SAXO1: variants seen among roughly 807,000 people sequenced by gnomAD.
SAXO1 encodes stabilizer of axonemal microtubules 1.
SAXO1 carries 21 observed loss-of-function variants against 17.5 expected under a neutral mutation model. That is an observed-to-expected ratio of 1.20 (90% CI 0.85 to 1.72). The LOEUF (loss-of-function observed/expected upper bound fraction) is 1.72, where lower values mean the gene tolerates loss of function less well. Among genes scored for constraint, SAXO1 ranks in the 40% most tolerant of loss-of-function variants. SAXO1 has a pLI of 0.00. For missense variants in SAXO1, 843 were observed against 596.0 expected (o/e 1.41, Z -4.32); for synonymous variants, 274 against 216.5 (o/e 1.27, Z -2.33).
intron 1 of SAXO1, among the ~76,000 whole-genome samples, chr9:19,018,513 A>G (rs138060064): frequency 4.9e-4 from 75 of 152,354 alleles, no homozygotes; most frequent in African/African-American, 1.6e-3. Flanking sequence ...GTGTTTCAAA[A>G]GTCAATACAC....
intron 1 of SAXO1, among the ~76,000 whole-genome samples, chr9:19,025,101 A>C (rs893503275): frequency 4.6e-5 from 7 of 152,266 alleles, no homozygotes; most frequent in African/African-American, 1.7e-4. Context: ...TGATATCCAA[A>C]AAAGGCCATT....
At chr9:18,946,584 C>T (rs141321822) in intron 2 of SAXO1, among the ~76,000 whole-genome samples, 1 of 151,772 alleles carries the variant, frequency 6.6e-6, no homozygotes, top group Non-Finnish European at 1.5e-5. Flanking sequence ...CTAAGGTGTC[C>T]ACAATGTAGC....
rs762017410 is a variant in SAXO1 at position 18,929,645 on chromosome 9, T to C, written c.422-590A>G. The stretch of plus-strand genomic sequence containing the variant: ...GTGAGAGAACAGTGGCTGCCACTTA[T>C]ATAAAACTTATTACATAACAGGCAG... On this transcript the variant is annotated intron_variant, in intron 3 of 3. Transcript: ENST00000380534. Among the ~76,000 whole-genome samples the C allele has an allele frequency of 2.6e-5, 4 of 152,376 alleles. No individual in the cohort carries two copies. In the East Asian group the frequency reaches 5.8e-4, roughly 22 times the overall value.
chr9:19,019,438 T>A (rs1835132684), intron 1 of SAXO1, among the ~76,000 whole-genome samples: 2 of 151,944 alleles, frequency 1.3e-5, no homozygotes, highest in Non-Finnish European at 2.9e-5. Context: ...TCAGAAAAAG[T>A]ATACTTCGGC....
At chr9:19,048,743 G>T (rs183657646) in intron 1 of SAXO1, among the ~76,000 whole-genome samples, 87 of 152,324 alleles carry the variant, frequency 5.7e-4, no homozygotes, top group African/African-American at 2.0e-3. Context: ...TGAAAATAGG[G>T]TTATTAATTC....
rs1008913763 is a variant in SAXO1, at chr9:19,033,201, C to T, written c.-293G>A. The T allele has an allele frequency of 2.3e-5, 8 of 348,526 alleles. No individual in the cohort carries two copies. Among genetic ancestry groups the T allele is most frequent in the African/African-American group, 1.1e-4 (5 of 47,350 alleles). 21.6% of individuals were successfully genotyped at this position (348,526 alleles called of 1,614,324 possible). The stretch of plus-strand genomic sequence containing the variant: ...GCAGTCCAGACTTAAGCACCTGGAG[C>T]GGCTGACTGGGCCCCAGGAAGCTGC... On this transcript the variant is annotated 5_prime_UTR_variant, in exon 1 of 4. Transcript: ENST00000380534.
At chr9:19,013,500 G>A (rs1294121979) in intron 1 of SAXO1, among the ~76,000 whole-genome samples, 4 of 147,388 alleles carry the variant, frequency 2.7e-5, no homozygotes, top group Non-Finnish European at 5.9e-5. Context: ...TCACAATACT[G>A]TCACGTCTTT....
intron 1 of SAXO1, among the ~76,000 whole-genome samples, chr9:18,973,989 G>A (rs951525541): frequency 1.3e-5 from 2 of 152,148 alleles, no homozygotes; most frequent in African/African-American, 4.8e-5. Flanking sequence ...GATCTATCAT[G>A]TCCCATCTTC....
intron 2 of SAXO1, among the ~76,000 whole-genome samples, chr9:18,943,748 A>T (rs1831676270): frequency 6.6e-6 from 1 of 152,214 alleles, no homozygotes; most frequent in Admixed American, 6.5e-5. Context: ...TCCAAGGAGT[A>T]TCAGGAGGTA....
intron 3 of SAXO1, among the ~76,000 whole-genome samples, chr9:18,936,171 T>C (rs944157752): frequency 6.6e-6 from 1 of 152,128 alleles, no homozygotes; most frequent in Non-Finnish European, 1.5e-5. Flanking sequence ...CACCCCCTCA[T>C]CCACCAGCAC....
chr9:19,035,340 T>G (rs996854393), upstream of SAXO1, among the ~76,000 whole-genome samples: 5 of 152,198 alleles, frequency 3.3e-5, no homozygotes, highest in Non-Finnish European at 5.9e-5. Flanking sequence ...TTTTCTCTCT[T>G]GCCACCCGCC....
intron 1 of SAXO1, among the ~76,000 whole-genome samples, chr9:18,977,304 T>C (rs1271624342): frequency 6.6e-6 from 1 of 152,236 alleles, no homozygotes; most frequent in East Asian, 1.9e-4. Context: ...GTCTCCCTTA[T>C]AGCAGGCTCA....
chr9:19,010,665 A>G (rs1834693255), intron 1 of SAXO1, among the ~76,000 whole-genome samples: 1 of 152,206 alleles, frequency 6.6e-6, no homozygotes, highest in African/African-American at 2.4e-5. Context: ...ACTCTCCAGA[A>G]TAGAAGCAAC....
At chr9:18,993,309 C>A (rs1272488884) in intron 1 of SAXO1, among the ~76,000 whole-genome samples, 1 of 141,636 alleles carries the variant, frequency 7.1e-6, no homozygotes, top group Non-Finnish European at 1.5e-5. Flanking sequence ...TGTGTTGTTA[C>A]CCTCCCTGTG....
At chr9:18,973,192 T>G (rs1216895296) in intron 1 of SAXO1, among the ~76,000 whole-genome samples, 1 of 152,218 alleles carries the variant, frequency 6.6e-6, no homozygotes. Context: ...ATTGTCAGTG[T>G]TGTACAGGTA....
intron 1 of SAXO1, among the ~76,000 whole-genome samples, chr9:18,977,932 G>A (rs1833214097): frequency 6.9e-6 from 1 of 143,896 alleles, no homozygotes; most frequent in Admixed American, 7.3e-5. Flanking sequence ...GGAGGCGGAG[G>A]TTGCAGTGGG....
intron 1 of SAXO1, among the ~76,000 whole-genome samples, chr9:18,993,277 C>A (rs529357650): frequency 3.3e-5 from 5 of 151,772 alleles, no homozygotes; most frequent in Admixed American, 2.6e-4. Flanking sequence ...CCTTGCCCCC[C>A]ACCCCCAGAT....
At chr9:18,980,093 T>C (rs1365837876) in intron 1 of SAXO1, among the ~76,000 whole-genome samples, 2 of 152,206 alleles carry the variant, frequency 1.3e-5, no homozygotes, top group African/African-American at 2.4e-5. Context: ...TTTTTGAACA[T>C]GCTGGACTTG....
At chr9:18,938,006 C>A (rs148946964) in intron 3 of SAXO1, among the ~76,000 whole-genome samples, 151 of 152,252 alleles carry the variant, frequency 9.9e-4, no homozygotes, top group African/African-American at 3.5e-3. Flanking sequence ...GTTTTAAAAT[C>A]GGAATTGCAG....
Sources: allele counts gnomAD v4.1 joint callset (sites outside exome capture counted in the v4.1 genomes callset), GRCh38; gene constraint gnomAD v4.1.1; transcripts MANE v1.5; gene names NCBI Gene and HGNC (gene_info 2026-07-23, HGNC 2026-07-21).